The following ASTN2 variants were observed in gnomAD, a reference collection of about 807,000 sequenced individuals.
The protein encoded by ASTN2 is astrotactin-2.
In ASTN2, 54 loss-of-function variants were observed where a neutral mutation model predicts 139.8. That is an observed-to-expected ratio of 0.39 (90% CI 0.31 to 0.48). The LOEUF (loss-of-function observed/expected upper bound fraction) is 0.48. Among genes scored for constraint, ASTN2 ranks in the 20% least tolerant of loss-of-function variants. ASTN2 has a pLI of 0.95. For synonymous variants in ASTN2, 756 were observed against 719.5 expected (o/e 1.05, Z -0.81); for missense variants, 1,565 against 1,725.1 (o/e 0.91, Z 1.64).
At chr9:117,005,756 TC>T (rs1383562789) in intron 7 of ASTN2, among the ~76,000 whole-genome samples, 219 of 152,232 alleles carry the variant, frequency 1.4e-3, no homozygotes, top group Admixed American at 2.6e-3. Flanking sequence ...TCTCTCTCTC[TC>T]TGTCTCTCTC....
intron 17 of ASTN2, among the ~76,000 whole-genome samples, chr9:116,624,281 G>A (rs1250539911): frequency 6.6e-6 from 1 of 152,086 alleles, no homozygotes. Context: ...CAAATGAGGG[G>A]GTAGAAGATA....
intron 11 of ASTN2, among the ~76,000 whole-genome samples, chr9:116,847,076 G>A (rs1588349233): frequency 6.6e-6 from 1 of 151,350 alleles, no homozygotes; most frequent in South Asian, 2.1e-4. Flanking sequence ...CTAATGGGGG[G>A]AGAAAAGTAA....
chr9:117,312,115 C>T (rs1307699383), intron 1 of ASTN2, among the ~76,000 whole-genome samples: 2 of 152,168 alleles, frequency 1.3e-5, no homozygotes, highest in Admixed American at 1.3e-4. Flanking sequence ...GCACTAGACA[C>T]ATATCAGCTA....
At chr9:116,562,926 T>A (rs972754984) in intron 19 of ASTN2, among the ~76,000 whole-genome samples, 1 of 152,092 alleles carries the variant, frequency 6.6e-6, no homozygotes, top group Non-Finnish European at 1.5e-5. Context: ...GAAAGTATGC[T>A]TGGTCTTAAA....
intron 13 of ASTN2, among the ~76,000 whole-genome samples, chr9:116,780,240 A>G (rs1184433449): frequency 6.6e-6 from 1 of 152,236 alleles, no homozygotes; most frequent in Non-Finnish European, 1.5e-5. Flanking sequence ...CAGGAGGTTG[A>G]AAAGAAAAAT....
In ASTN2 at chr9:116,620,505, T is replaced by C; in HGVS notation, c.3073-62A>G. ...CAACAGGGGAGAGATTGAGAGTAAATGTGCTGATGGCCATGATGTGAGCCA... is the reference window on the plus strand; with the variant it reads ...CAACAGGGGAGAGATTGAGAGTAAACGTGCTGATGGCCATGATGTGAGCCA... On this transcript the variant is annotated intron_variant, in intron 17 of 22. Transcript: ENST00000313400. The C allele has an allele frequency of 2.5e-6, 4 of 1,602,054 alleles. No homozygotes were observed. The South Asian group carries it at 3.3e-5, about 13-fold the overall frequency.
chr9:117,392,442 GTCT>G (rs1043021452), intron 1 of ASTN2, among the ~76,000 whole-genome samples: 7 of 152,102 alleles, frequency 4.6e-5, no homozygotes, highest in Admixed American at 1.3e-4. Flanking sequence ...TTCTGTCATG[GTCT>G]TCTTTTCTCT....
chr9:117,134,110 G>C (rs554851062), intron 4 of ASTN2, among the ~76,000 whole-genome samples: 18 of 151,850 alleles, frequency 1.2e-4, no homozygotes, highest in Non-Finnish European at 2.2e-4. Context: ...GGGAAGCAAA[G>C]ATGGGGACCA....
At chr9:116,551,831 C>G (rs1174890410) in intron 19 of ASTN2, among the ~76,000 whole-genome samples, 5 of 152,100 alleles carry the variant, frequency 3.3e-5, no homozygotes, top group African/African-American at 1.2e-4. Flanking sequence ...AGAAATCAAG[C>G]TGGAGAGTGC....
rs560595068 is a variant in ASTN2 at position 117,414,332 on chromosome 9, C to A, written c.442+165G>T. ...GCTCTCCAGGACCTCCTCCCACATGCTCGTTTCCAACCACCTGTGCGACCT... is the reference window on the plus strand; with the variant it reads ...GCTCTCCAGGACCTCCTCCCACATGATCGTTTCCAACCACCTGTGCGACCT... On this transcript the variant is annotated intron_variant, in intron 1 of 22. Coordinates refer to ENST00000313400, the MANE Select transcript of ASTN2 (RefSeq NM_001365068.1). This position sits in a 1 kb window ranked among gnomAD's most constrained non-coding sequence, Gnocchi z 4.2. Among the ~76,000 whole-genome samples, 1 of 152,296 alleles carries A rather than the reference C, an allele frequency of 6.6e-6. No homozygotes were observed. The highest frequency in any genetic ancestry group is 2.4e-5 in the African/African-American group (1 of 41,590).
chr9:117,009,878 G>A (rs1250765949), intron 6 of ASTN2, among the ~76,000 whole-genome samples: 2 of 152,134 alleles, frequency 1.3e-5, no homozygotes, highest in Non-Finnish European at 2.9e-5. Flanking sequence ...CCAGGGAGGT[G>A]GGATCACATC....
At chr9:116,619,217 T>C (rs888771478) in intron 18 of ASTN2, among the ~76,000 whole-genome samples, 1 of 152,120 alleles carries the variant, frequency 6.6e-6, no homozygotes. Flanking sequence ...TGGGACTTTG[T>C]TTTCCAGTAT....
At chr9:116,566,263 T>G (rs1853226695) in intron 19 of ASTN2, among the ~76,000 whole-genome samples, 1 of 152,348 alleles carries the variant, frequency 6.6e-6, no homozygotes, top group Admixed American at 6.5e-5. Flanking sequence ...TTCTTTCATA[T>G]GTTGGGCCTT....
chr9:116,901,982 G>A (rs1834021621), intron 10 of ASTN2, among the ~76,000 whole-genome samples: 3 of 152,148 alleles, frequency 2.0e-5, no homozygotes, highest in African/African-American at 7.2e-5. Flanking sequence ...CCAAGATCAT[G>A]CCACTGCACT....
At chr9:116,741,712 T>G (rs1172126304) in intron 13 of ASTN2, among the ~76,000 whole-genome samples, 1 of 152,116 alleles carries the variant, frequency 6.6e-6, no homozygotes, top group South Asian at 2.1e-4. Context: ...CTGGGCTAGA[T>G]TTTGTAGCTG....
chr9:116,590,867 TCTC>T (rs1854350613), intron 19 of ASTN2, among the ~76,000 whole-genome samples: 1 of 152,064 alleles, frequency 6.6e-6, no homozygotes, highest in South Asian at 2.1e-4. Flanking sequence ...CCATTGTAGG[TCTC>T]CTCTCTGCTG....
At chr9:117,147,463 A>ACACACC (rs1830224793) in intron 3 of ASTN2, among the ~76,000 whole-genome samples, 3 of 147,726 alleles carry the variant, frequency 2.0e-5, no homozygotes, top group African/African-American at 8.0e-5. Flanking sequence ...ACACACACAC[A>ACACACC]CCCCCGTTAT....
At chr9:117,060,817 C>G (rs1376441575) in intron 5 of ASTN2, among the ~76,000 whole-genome samples, 1 of 152,012 alleles carries the variant, frequency 6.6e-6, no homozygotes, top group Non-Finnish European at 1.5e-5. Flanking sequence ...ATAGCATGAA[C>G]CCAGGAGGTG....
chr9:117,141,303 C>G, intron 4 of ASTN2, 23 bp downstream of exon 4: 2 of 1,365,186 alleles, frequency 1.5e-6, no homozygotes, highest in Non-Finnish European at 2.0e-6. Flanking sequence ...GACTTCCTGG[C>G]CAGATGTGCC....
Sources: gnomAD v4.1 joint callset for allele counts (sites outside exome capture counted in the v4.1 genomes callset) on GRCh38, gnomAD v4.1.1 for gene constraint, Gnocchi (gnomAD v3.1) non-coding constraint, MANE v1.5 for transcripts, NCBI Gene and HGNC (gene_info 2026-07-23, HGNC 2026-07-21) for gene names.